The following POU3F3 variants were observed in gnomAD, a reference collection of about 807,000 sequenced individuals.
The protein encoded by POU3F3 is POU domain, class 3, transcription factor 3.
POU3F3 carries 1 observed loss-of-function variant against 8.6 expected under a neutral mutation model. The observed-to-expected ratio is 0.12, with a 90% CI of 0.04 to 0.55. The LOEUF (loss-of-function observed/expected upper bound fraction) is 0.55, where lower values mean the gene tolerates loss of function less well. Among genes scored for constraint, POU3F3 ranks in the 20% least tolerant of loss-of-function variants. The probability of loss-of-function intolerance (pLI) is 0.91; values close to 1 mark genes in which losing one functional copy is unlikely to be tolerated. For missense variants in POU3F3, 577 were observed against 690.7 expected, an observed-to-expected ratio of 0.84 and a Z score of 1.84; for synonymous variants, 418 against 327.4, an observed-to-expected ratio of 1.28 and a Z score of -2.99.
chr2:104,887,511 G>A, the POU3F3 span, among the ~76,000 whole-genome samples: 2 of 152,196 alleles, frequency 1.3e-5, no homozygotes, highest in African/African-American at 4.8e-5. Flanking sequence ...TTTCTTCCAA[G>A]AGGACTTTAA....
downstream of POU3F3, among the ~76,000 whole-genome samples, chr2:104,861,100 T>C (rs1676650591): frequency 6.6e-6 from 1 of 152,224 alleles, no homozygotes; most frequent in Non-Finnish European, 1.5e-5. Flanking sequence ...TTTATTTTTG[T>C]AATAAATGAT....
chr2:104,897,237 A>C, the POU3F3 span, among the ~76,000 whole-genome samples: 3 of 152,188 alleles, frequency 2.0e-5, no homozygotes, highest in African/African-American at 4.8e-5. Flanking sequence ...GCCTAAGATC[A>C]CACAGCTACT....
At chr2:104,897,133 A>G in the POU3F3 span, among the ~76,000 whole-genome samples, 1 of 152,236 alleles carries the variant, frequency 6.6e-6, no homozygotes, top group Non-Finnish European at 1.5e-5. Flanking sequence ...ACTCCAGATC[A>G]GGGGTGAGAT....
the POU3F3 span, among the ~76,000 whole-genome samples, chr2:104,895,207 C>A: frequency 3.3e-4 from 50 of 152,198 alleles, no homozygotes; most frequent in Non-Finnish European, 5.1e-4. Flanking sequence ...CTCTACAGGG[C>A]CCGACAATTT....
chr2:104,911,447 CACAA>C, the POU3F3 span, among the ~76,000 whole-genome samples: 3 of 151,094 alleles, frequency 2.0e-5, no homozygotes, highest in Admixed American at 6.6e-5. Flanking sequence ...GCTACACGGC[CACAA>C]ACAGTCATAA....
rs571710580 is a variant in POU3F3, at chr2:104,856,504, C to A, written c.994C>A (p.Arg332=). The change falls in exon 1 of 1, where the codon CGG becomes AGG. Residue 332 remains arginine, a synonymous_variant. Coordinates refer to ENST00000361360, the MANE Select transcript of POU3F3 (RefSeq NM_006236.3). ...GCAGTTCGCCAAGCAGTTCAAGCAG[C>A]GGCGCATCAAGCTGGGCTTCACGCA... The part of the protein sequence containing the change: ...LEQFAKQFKQ[R]RIKLGFTQAD... The A allele has an allele frequency of 6.2e-7, 1 of 1,613,936 alleles. No individual in the cohort carries two copies. The highest frequency in any genetic ancestry group is 2.2e-5 in the East Asian group (1 of 44,868).
At chr2:104,906,542 C>T in the POU3F3 span, among the ~76,000 whole-genome samples, 1 of 152,122 alleles carries the variant, frequency 6.6e-6, no homozygotes, top group Non-Finnish European at 1.5e-5. Flanking sequence ...CCAGATAAAC[C>T]TTGGTGTCCT....
chr2:104,893,905 G>T, the POU3F3 span, among the ~76,000 whole-genome samples: 1 of 136,774 alleles, frequency 7.3e-6, no homozygotes, highest in Non-Finnish European at 1.6e-5. Context: ...AAAAAAAAAA[G>T]ATGCAGTGCG....
the POU3F3 span, among the ~76,000 whole-genome samples, chr2:104,920,844 C>T: frequency 6.6e-6 from 1 of 152,108 alleles, no homozygotes; most frequent in Non-Finnish European, 1.5e-5. Flanking sequence ...TGCTATGTAG[C>T]TCTGCGCCAT....
the POU3F3 span, among the ~76,000 whole-genome samples, chr2:104,894,335 TC>T: frequency 6.6e-6 from 1 of 152,246 alleles, no homozygotes; most frequent in Non-Finnish European, 1.5e-5. Flanking sequence ...TGCTTCTACA[TC>T]ATTATATGAA....
At chr2:104,906,965 C>G in the POU3F3 span, among the ~76,000 whole-genome samples, 1 of 152,120 alleles carries the variant, frequency 6.6e-6, no homozygotes, top group Non-Finnish European at 1.5e-5. Flanking sequence ...TCTATTTCTG[C>G]GTATCTGTCG....
chr2:104,879,196 C>G, the POU3F3 span, among the ~76,000 whole-genome samples: 2 of 150,282 alleles, frequency 1.3e-5, no homozygotes, highest in African/African-American at 4.9e-5. Flanking sequence ...GTATGCAGTA[C>G]ACACACCACA....
At chr2:104,911,339 T>C in the POU3F3 span, among the ~76,000 whole-genome samples, 4 of 146,092 alleles carry the variant, frequency 2.7e-5, no homozygotes, top group Non-Finnish European at 5.9e-5. Flanking sequence ...TGCTTGAACC[T>C]GGAAGGCAGA....
the POU3F3 span, among the ~76,000 whole-genome samples, chr2:104,921,691 C>G: frequency 1.3e-5 from 2 of 152,118 alleles, no homozygotes; most frequent in African/African-American, 4.8e-5. Flanking sequence ...CATTTTAACT[C>G]TAGGACATTC....
chr2:104,865,277 A>G, the POU3F3 span: 1 of 152,208 alleles, frequency 6.6e-6, no homozygotes, highest in African/African-American at 2.4e-5. Context: ...AGGTGGAATC[A>G]AGTGTGAATC....
the POU3F3 span, among the ~76,000 whole-genome samples, chr2:104,904,198 C>T: frequency 6.6e-6 from 1 of 152,214 alleles, no homozygotes; most frequent in Non-Finnish European, 1.5e-5. Flanking sequence ...TAAAGTGGCA[C>T]TCTCTACTCT....
chr2:104,865,724 T>C, the POU3F3 span: 2 of 152,318 alleles, frequency 1.3e-5, no homozygotes, highest in African/African-American at 4.8e-5. Flanking sequence ...ACAGGGAAAC[T>C]TCCAGGTGTG....
the POU3F3 span, among the ~76,000 whole-genome samples, chr2:104,883,688 G>A: frequency 9.1e-4 from 139 of 152,326 alleles, 3 homozygotes; most frequent in East Asian, 0.026. Flanking sequence ...TTCCGTAGCC[G>A]CTGGTGTGTT....
At chr2:104,892,425 G>A in the POU3F3 span, among the ~76,000 whole-genome samples, 3 of 152,006 alleles carry the variant, frequency 2.0e-5, no homozygotes, top group South Asian at 4.2e-4. Flanking sequence ...TGAACATGAG[G>A]CCATGTGAGA....
Sources: gnomAD v4.1 joint callset for allele counts (sites outside exome capture counted in the v4.1 genomes callset) on GRCh38, gnomAD v4.1.1 for gene constraint, MANE v1.5 for transcripts, NCBI Gene and HGNC (gene_info 2026-07-23, HGNC 2026-07-21) for gene names.